FGF14: variants seen among roughly 807,000 people sequenced by gnomAD.
The protein encoded by FGF14 is fibroblast growth factor 14.
Under a neutral mutation model 25.5 loss-of-function variants are expected in FGF14, and 5 were observed. The observed-to-expected ratio is 0.20, with a 90% CI of 0.10 to 0.41. The LOEUF (loss-of-function observed/expected upper bound fraction) is 0.41. Among genes scored for constraint, FGF14 ranks in the 10% least tolerant of loss-of-function variants. The pLI, the probability that FGF14 is intolerant of heterozygous loss-of-function variation, is 1.00. For synonymous variants in FGF14, 138 were observed against 118.3 expected (o/e 1.17, Z -1.08); for missense variants, 222 against 320.1 (o/e 0.69, Z 2.34).
intron 1 of FGF14, among the ~76,000 whole-genome samples, chr13:101,925,912 A>G (rs538517558): frequency 1.3e-5 from 2 of 152,042 alleles, no homozygotes; most frequent in Non-Finnish European, 2.9e-5. Context: ...TGTTTGTTTA[A>G]TCTTCCAGAG....
At chr13:102,401,054 G>A (rs2058692546) in intron 1 of FGF14, among the ~76,000 whole-genome samples, 1 of 152,056 alleles carries the variant, frequency 6.6e-6, no homozygotes, top group Non-Finnish European at 1.5e-5. Flanking sequence ...TCTAGAGCAG[G>A]TTCTCGGAAC....
intron 1 of FGF14, among the ~76,000 whole-genome samples, chr13:102,313,551 T>C (rs1258412186): frequency 6.6e-6 from 1 of 151,944 alleles, no homozygotes; most frequent in Non-Finnish European, 1.5e-5. Context: ...CCAAACAAGA[T>C]ACTCTTTGGG....
intron 3 of FGF14, among the ~76,000 whole-genome samples, chr13:101,816,384 C>G (rs2041852622): frequency 6.6e-6 from 1 of 151,964 alleles, no homozygotes; most frequent in Admixed American, 6.6e-5. Context: ...CCCTCCCCCG[C>G]CAACATGGTG....
At chr13:102,299,979 G>A (rs2054943450) in intron 1 of FGF14, 1 of 152,080 alleles carries the variant, frequency 6.6e-6, no homozygotes, top group Admixed American at 6.6e-5. Context: ...TGGGATATGT[G>A]TATTTCATCA....
At chr13:102,207,643 AAAAG>A (rs1158415202) in intron 1 of FGF14, among the ~76,000 whole-genome samples, 2 of 151,028 alleles carry the variant, frequency 1.3e-5, no homozygotes, top group Non-Finnish European at 2.9e-5. Context: ...AAAAAAAAAA[AAAAG>A]ACAGTGTTTA....
rs143986155 is a variant in FGF14 at position 101,849,569 on chromosome 13, A to G, written c.408+19156T>C. The stretch of plus-strand genomic sequence containing the variant: ...ATCTTTCAATGAATACGTTAATGAT[A>G]TTTACATAAAATGTATGACTTACGT... On this transcript the variant is annotated intron_variant, in intron 3 of 4. Transcript: ENST00000376143. Among the ~76,000 whole-genome samples the G allele has an allele frequency of 6.2e-3, 939 of 152,220 alleles. 7 individuals are homozygous for G. The highest frequency in any genetic ancestry group is 0.013 in the Admixed American group (199 of 15,276).
At chr13:101,794,119 T>G (rs892877864) in intron 3 of FGF14, among the ~76,000 whole-genome samples, 3 of 151,992 alleles carry the variant, frequency 2.0e-5, no homozygotes, top group Admixed American at 2.0e-4. Context: ...CAATTTCTTT[T>G]TTTGCTTTAT....
At chr13:101,904,899 A>G (rs1399263847) in intron 1 of FGF14, among the ~76,000 whole-genome samples, 1 of 152,220 alleles carries the variant, frequency 6.6e-6, no homozygotes, top group African/African-American at 2.4e-5. Flanking sequence ...AACTTTTGCA[A>G]CTTTTACAAT....
At chr13:101,786,404 G>A (rs1484950463) in intron 3 of FGF14, among the ~76,000 whole-genome samples, 1 of 152,068 alleles carries the variant, frequency 6.6e-6, no homozygotes, top group Non-Finnish European at 1.5e-5. Context: ...TGGTTGGAGG[G>A]GTGGAGGACG....
intron 1 of FGF14, among the ~76,000 whole-genome samples, chr13:101,943,822 A>ATATATATATATATATATATATAT (rs1266549387): frequency 1.6e-4 from 20 of 122,436 alleles, no homozygotes; most frequent in African/African-American, 9.3e-4. Context: ...TAAAAAAAAA[A>ATATATATATATATATATATATAT]AAAAATATAT....
intron 1 of FGF14, among the ~76,000 whole-genome samples, chr13:102,225,410 C>G (rs1236670590): frequency 3.3e-5 from 5 of 152,156 alleles, no homozygotes; most frequent in African/African-American, 1.2e-4. Context: ...GCCCTCCGGA[C>G]AGGCTAATTA....
At chr13:102,176,855 C>T (rs114992229) in intron 1 of FGF14, among the ~76,000 whole-genome samples, 65 of 151,808 alleles carry the variant, frequency 4.3e-4, no homozygotes, top group African/African-American at 1.4e-3. Context: ...AAACATTAAA[C>T]GTGTGGTTTT....
intron 1 of FGF14, among the ~76,000 whole-genome samples, chr13:102,129,738 A>T (rs905667813): frequency 6.6e-6 from 1 of 152,154 alleles, no homozygotes; most frequent in Non-Finnish European, 1.5e-5. Context: ...CCTAATGTAA[A>T]TGATGAGTTA....
rs1011068695 is a variant in FGF14, at chr13:102,006,889, C to T, written c.209-131593G>A. 2.9e-3 allele frequency among the ~76,000 whole-genome samples: 439 copies of T among 150,650 alleles called. 4 individuals are homozygous for T. The highest frequency in any genetic ancestry group is 9.9e-3 in the African/African-American group (407 of 41,092). On this transcript the variant is annotated intron_variant, in intron 1 of 4. Coordinates refer to the FGF14 transcript ENST00000376131. ...CCTCCCGAGTAGCTGGGACTACAGGCGCCCGCCACCGCGCCTGGCTAATTT... is the reference window on the plus strand; with the variant it reads ...CCTCCCGAGTAGCTGGGACTACAGGTGCCCGCCACCGCGCCTGGCTAATTT...
intron 1 of FGF14, among the ~76,000 whole-genome samples, chr13:102,058,229 C>T (rs557117888): frequency 2.1e-4 from 32 of 152,062 alleles, no homozygotes; most frequent in African/African-American, 2.9e-4. Flanking sequence ...AGTCAAATAC[C>T]GAAAAAAGGA....
intron 3 of FGF14, among the ~76,000 whole-genome samples, chr13:101,729,535 TACTC>T (rs763221403): frequency 1.3e-5 from 2 of 152,126 alleles, no homozygotes; most frequent in Non-Finnish European, 2.9e-5. Flanking sequence ...TTGGGGAAAT[TACTC>T]AATCTCTCTG....
rs141761762 is a variant in FGF14, at chr13:102,238,573, A to G, written c.208+162898T>C. On this transcript the variant is annotated intron_variant, in intron 1 of 4. Transcript: ENST00000376131. ...GTATTTTATGAACACAGTTTATAAT[A>G]ATGTACATATTTATAAGTTGTCAAT... Among the ~76,000 whole-genome samples the G allele has an allele frequency of 2.2e-4, 33 of 152,342 alleles. No individual in the cohort carries two copies. In the East Asian group the frequency reaches 3.7e-3, roughly 17 times the overall value.
At position 102,048,260 on chromosome 13, in the gene FGF14, C is replaced by A. The variant is rs372362554; in HGVS notation, c.209-172964G>T. ...AGCTGTTGCGATCTTAGGAAAAGTA[C>A]CAATCTTATGTTTTGTCTTCTAGAA... On this transcript the variant is annotated intron_variant, in intron 1 of 4. Coordinates refer to the FGF14 transcript ENST00000376131. Among the ~76,000 whole-genome samples the A allele has an allele frequency of 3.3e-5, 5 of 152,130 alleles. No individual in the cohort carries two copies. The East Asian group carries it at 5.8e-4, about 18-fold the overall frequency.
intron 1 of FGF14, among the ~76,000 whole-genome samples, chr13:102,122,679 T>A (rs1401583722): frequency 6.6e-6 from 1 of 152,198 alleles, no homozygotes; most frequent in African/African-American, 2.4e-5. Flanking sequence ...CTACATGGCA[T>A]TTTCTCTAGC....
Sources: gnomAD v4.1 joint callset for allele counts (sites outside exome capture counted in the v4.1 genomes callset) on GRCh38, gnomAD v4.1.1 for gene constraint, MANE v1.5 for transcripts, NCBI Gene and HGNC (gene_info 2026-07-23, HGNC 2026-07-21) for gene names.